The following EYA1 variants were observed in gnomAD, a reference collection of about 807,000 sequenced individuals.
EYA1 encodes protein phosphatase EYA1.
In EYA1, 16 loss-of-function variants were observed where a neutral mutation model predicts 82.0. The ratio of observed to expected loss-of-function variants is 0.20; its 90% CI spans 0.13 to 0.30. The LOEUF is 0.30. Ranked by LOEUF, EYA1 falls within the 10% of genes least tolerant of loss-of-function variation. The pLI is 1.00. For missense variants in EYA1, 633 were observed against 730.7 expected (o/e 0.87, Z 1.54); for synonymous variants, 261 against 264.4 (o/e 0.99, Z 0.12).
intron 7 of EYA1, among the ~76,000 whole-genome samples, chr8:71,309,276 G>T (rs550892423): frequency 1.3e-5 from 2 of 151,544 alleles, no homozygotes; most frequent in African/African-American, 4.9e-5. Flanking sequence ...TAGATGTCAA[G>T]AAATTTTTAT....
intron 9 of EYA1, among the ~76,000 whole-genome samples, chr8:71,297,055 T>A (rs2128996540): frequency 6.6e-6 from 1 of 152,292 alleles, no homozygotes; most frequent in African/African-American, 2.4e-5. Flanking sequence ...GAGGTATGTA[T>A]AAGAAATCTG....
At chr8:71,296,968 G>A (rs1473109334) in intron 9 of EYA1, among the ~76,000 whole-genome samples, 2 of 151,968 alleles carry the variant, frequency 1.3e-5, no homozygotes, top group African/African-American at 4.8e-5. Flanking sequence ...TTTTCAATGT[G>A]GAAACTCAGT....
chr8:71,273,949 G>A (rs1170394571), intron 9 of EYA1, among the ~76,000 whole-genome samples: 1 of 152,012 alleles, frequency 6.6e-6, no homozygotes, highest in Admixed American at 6.5e-5. Context: ...CCTATTGATG[G>A]CTCATTCCTT....
At chr8:71,398,831 A>G (rs925239503) in intron 2 of EYA1, among the ~76,000 whole-genome samples, 2 of 152,226 alleles carry the variant, frequency 1.3e-5, no homozygotes, top group African/African-American at 4.8e-5. Flanking sequence ...GCTGTCAGAC[A>G]GAGACATTTA....
intron 2 of EYA1, among the ~76,000 whole-genome samples, chr8:71,461,724 G>A (rs116576251): frequency 0.018 from 2,802 of 152,274 alleles, 56 homozygotes; most frequent in African/African-American, 0.062. Context: ...TGGAGGGTGA[G>A]CAAGATGAAG....
At chr8:71,337,552 T>A (rs1824642940) in intron 3 of EYA1, among the ~76,000 whole-genome samples, 1 of 152,166 alleles carries the variant, frequency 6.6e-6, no homozygotes, top group Admixed American at 6.5e-5. Context: ...GCCTTTGAGT[T>A]TTGGTCTTGA....
At chr8:71,474,764 G>A (rs1809518535) in intron 2 of EYA1, among the ~76,000 whole-genome samples, 1 of 152,136 alleles carries the variant, frequency 6.6e-6, no homozygotes. Flanking sequence ...AAATGTACAT[G>A]TTTAGCAACA....
chr8:71,522,310 T>G (rs1813464951), intron 2 of EYA1, among the ~76,000 whole-genome samples: 1 of 152,196 alleles, frequency 6.6e-6, no homozygotes, highest in Admixed American at 6.5e-5. Context: ...GGAAAGGATT[T>G]TAGAAGTAAT....
intron 12 of EYA1, among the ~76,000 whole-genome samples, chr8:71,238,694 C>T (rs1186757544): frequency 2.0e-5 from 3 of 151,914 alleles, no homozygotes. Context: ...GTTGTAAATT[C>T]TAAGAATATT....
intron 12 of EYA1, among the ~76,000 whole-genome samples, chr8:71,240,060 C>T (rs6472574): frequency 0.31 from 47,707 of 151,962 alleles, 7,803 homozygotes; most frequent in Non-Finnish European, 0.34. Flanking sequence ...AGATGATAAC[C>T]TAAGTTTTAA....
rs773943805 is a variant in EYA1, at chr8:71,271,917, A to G, written c.827-20T>C. 4.3e-6 allele frequency: 7 copies of G among 1,613,890 alleles called. No homozygotes were observed. The highest frequency in any genetic ancestry group is 5.1e-6 in the Non-Finnish European group (6 of 1,179,918). ...TGTACTCTGCAGGAATATAGGAAGG[A>G]CTTTCATCTTTTATTTCCATCACCA... On this transcript the variant is annotated intron_variant, in intron 9 of 17. Coordinates refer to ENST00000340726, the MANE Select transcript of EYA1 (RefSeq NM_000503.6).
At chr8:71,267,618 T>G (rs943820160) in intron 11 of EYA1, among the ~76,000 whole-genome samples, 24 of 152,314 alleles carry the variant, frequency 1.6e-4, no homozygotes, top group East Asian at 5.8e-4. Flanking sequence ...GCGCGATCTC[T>G]GCTCACTGCA....
chr8:71,332,827 T>C (rs770849973), intron 4 of EYA1, among the ~76,000 whole-genome samples: 2 of 152,290 alleles, frequency 1.3e-5, no homozygotes, highest in East Asian at 1.9e-4. Flanking sequence ...CCCTGAACCA[T>C]TAACAGTTCC....
At chr8:71,471,034 C>CT (rs948394652) in intron 2 of EYA1, 7 of 402,978 alleles carry the variant, frequency 1.7e-5, no homozygotes, top group African/African-American at 1.5e-4. Context: ...CTTAACTCAT[C>CT]TTGAGACATT....
In EYA1 at chr8:71,490,042, G is replaced by T. The variant is rs542837971; in HGVS notation, c.33+45702C>A. Among the ~76,000 whole-genome samples, 83 of 152,252 alleles carry T rather than the reference G, an allele frequency of 5.5e-4. 2 individuals are homozygous for T. The highest frequency in any genetic ancestry group is 4.7e-3 in the Admixed American group (72 of 15,294). On this transcript the variant is annotated intron_variant, in intron 2 of 18. Coordinates refer to the EYA1 transcript ENST00000643681. Reference sequence around the variant, plus strand: ...CTGGATCCCAGGCCCTGGGGAATAGGCATCTCCCAGAGGCTATGCTTTTCC... The same window carrying T: ...CTGGATCCCAGGCCCTGGGGAATAGTCATCTCCCAGAGGCTATGCTTTTCC...
intron 2 of EYA1, among the ~76,000 whole-genome samples, chr8:71,369,096 A>T (rs1586567152): frequency 6.7e-6 from 1 of 149,948 alleles, no homozygotes; most frequent in South Asian, 2.1e-4. Context: ...CCAGCTACTC[A>T]GGAGGCTGAG....
chr8:71,480,658 T>A (rs28516446), intron 2 of EYA1, among the ~76,000 whole-genome samples: 21,805 of 151,988 alleles, frequency 0.14, 2,761 homozygotes, highest in East Asian at 0.47. Context: ...CTCAGCACTA[T>A]GGATTCAAAA....
chr8:71,301,819 C>A (rs1820228834), intron 7 of EYA1, among the ~76,000 whole-genome samples: 1 of 152,058 alleles, frequency 6.6e-6, no homozygotes, highest in Admixed American at 6.5e-5. Flanking sequence ...AACATATATT[C>A]AATGCCAGGC....
intron 12 of EYA1, among the ~76,000 whole-genome samples, chr8:71,237,827 T>TA (rs1812027008): frequency 6.6e-6 from 1 of 152,184 alleles, no homozygotes; most frequent in Admixed American, 6.5e-5. Flanking sequence ...TATTAGTTTT[T>TA]AAAAATTAAC....
Sources: gnomAD v4.1 joint callset for allele counts (sites outside exome capture counted in the v4.1 genomes callset) on GRCh38, gnomAD v4.1.1 for gene constraint, MANE v1.5 for transcripts, NCBI Gene and HGNC (gene_info 2026-07-23, HGNC 2026-07-21) for gene names.